PIK3C2G: variants seen among roughly 807,000 people sequenced by gnomAD.
The protein encoded by PIK3C2G is phosphatidylinositol-4-phosphate 3-kinase catalytic subunit type 2 gamma, also known as phosphatidylinositol 3-kinase C2 domain-containing subunit gamma.
In PIK3C2G, 168 loss-of-function variants were observed where a neutral mutation model predicts 181.1. The ratio of observed to expected loss-of-function variants is 0.93; its 90% CI spans 0.82 to 1.05. PIK3C2G has a LOEUF of 1.05. Ranked by LOEUF, PIK3C2G falls within the 50% of genes least tolerant of loss-of-function variation. The probability of loss-of-function intolerance (pLI) is 0.00; values close to 1 mark genes in which losing one functional copy is unlikely to be tolerated. For missense variants in PIK3C2G, 1,869 were observed against 1,732.8 expected (o/e 1.08, Z -1.40); for synonymous variants, 573 against 592.2 (o/e 0.97, Z 0.47).
chr12:18,362,745 T>C lies in PIK3C2G; in HGVS notation c.1626-19T>C. The C allele has an allele frequency of 6.7e-7, 1 of 1,495,944 alleles. No homozygotes were observed. Among genetic ancestry groups the C allele is most frequent in the Non-Finnish European group, 8.8e-7 (1 of 1,132,078 alleles). 92.7% of individuals were successfully genotyped at this position (1,495,944 alleles called of 1,614,324 possible). On this transcript the variant is annotated intron_variant, in intron 11 of 32. Coordinates refer to ENST00000538779, the MANE Select transcript of PIK3C2G (RefSeq NM_001288772.2). ...CTTTAAAGTGCTAAGCATATTGAAT[T>C]GATGTTGTTTCATTTTAGCTACAAA...
chr12:18,582,437 G>C (rs946150007), intron 29 of PIK3C2G, among the ~76,000 whole-genome samples: 2 of 152,140 alleles, frequency 1.3e-5, no homozygotes, highest in African/African-American at 4.8e-5. Context: ...CTGACAGACT[G>C]AGCTACGTAG....
chr12:18,505,932 C>A (rs1941801486), intron 24 of PIK3C2G, among the ~76,000 whole-genome samples: 1 of 152,094 alleles, frequency 6.6e-6, no homozygotes, highest in Non-Finnish European at 1.5e-5. Flanking sequence ...TAACAGTAAA[C>A]AAGACAGACA....
In PIK3C2G at chr12:18,648,166, T is replaced by A; in HGVS notation, c.*138T>A. On this transcript the variant is annotated 3_prime_UTR_variant, in exon 33 of 33. Coordinates refer to ENST00000538779, the MANE Select transcript of PIK3C2G (RefSeq NM_001288772.2). ...AAGGACACAGAAAAAAAATCAGAAT[T>A]AGTCTTTTGTGTTGTTTATTTTCTA... 1 of 422,364 alleles carries A rather than the reference T, an allele frequency of 2.4e-6. No individual in the cohort carries two copies. Among genetic ancestry groups the A allele is most frequent in the Non-Finnish European group, 4.1e-6 (1 of 243,132 alleles). 26.2% of individuals were successfully genotyped at this position (422,364 alleles called of 1,614,324 possible).
intron 18 of PIK3C2G, among the ~76,000 whole-genome samples, chr12:18,453,213 C>T (rs1947458382): frequency 6.6e-6 from 1 of 151,982 alleles, no homozygotes; most frequent in Admixed American, 6.6e-5. Context: ...TCTCTAAGAA[C>T]TTGTTTTATT....
the PIK3C2G span, among the ~76,000 whole-genome samples, chr12:18,665,012 TG>T: frequency 1.5e-3 from 81 of 53,350 alleles, no homozygotes; most frequent in Middle Eastern, 0.036. Context: ...TGTTGTGGGG[TG>T]GGGGGAGGGG....
chr12:18,635,832 A>G lies in PIK3C2G; in HGVS notation c.4183-4597A>G, dbSNP rs138893040. On this transcript the variant is annotated intron_variant, in intron 31 of 32. Transcript: ENST00000538779. ...CAAATGGGCCAGGCTAACACACCCA[A>G]ATGAGGAGTATGTTGCATCCAAAAT... is the stretch of plus-strand genomic sequence containing the variant. Among the ~76,000 whole-genome samples, 1,047 of 152,132 alleles carry G rather than the reference A, an allele frequency of 6.9e-3. 9 individuals carry two copies. The highest frequency in any genetic ancestry group is 0.024 in the African/African-American group (1,001 of 41,520).
chr12:18,445,712 T>C (rs757448386), intron 18 of PIK3C2G, among the ~76,000 whole-genome samples: 1 of 152,190 alleles, frequency 6.6e-6, no homozygotes, highest in Non-Finnish European at 1.5e-5. Flanking sequence ...GATTTTGTTA[T>C]ACTCATCCAA....
At chr12:18,625,034 GCT>G (rs1430780628) in intron 31 of PIK3C2G, among the ~76,000 whole-genome samples, 2 of 151,290 alleles carry the variant, frequency 1.3e-5, no homozygotes, top group African/African-American at 4.8e-5. Flanking sequence ...ATCTATTTCT[GCT>G]CTGTTCTTTA....
chr12:18,701,388 G>C, the PIK3C2G span: 1 of 1,543,570 alleles, frequency 6.5e-7, no homozygotes, highest in Non-Finnish European at 8.8e-7. Flanking sequence ...TGATAGACTA[G>C]AGTTTTTATA....
At chr12:18,609,226 G>T (rs1202614689) in intron 30 of PIK3C2G, among the ~76,000 whole-genome samples, 2 of 152,042 alleles carry the variant, frequency 1.3e-5, no homozygotes, top group African/African-American at 4.8e-5. Context: ...GCTCATTATA[G>T]TGAATGCTAA....
intron 1 of PIK3C2G, among the ~76,000 whole-genome samples, chr12:18,256,253 A>G (rs534779827): frequency 7.9e-5 from 12 of 151,914 alleles, no homozygotes; most frequent in Admixed American, 2.0e-4. Flanking sequence ...CTGCAGGTCA[A>G]TGCAATTCTC....
chr12:18,597,987 G>T (rs1342829551), intron 30 of PIK3C2G, among the ~76,000 whole-genome samples: 1 of 151,612 alleles, frequency 6.6e-6, no homozygotes. Context: ...CACTGCTCAA[G>T]GAAATAAAAG....
intron 31 of PIK3C2G, among the ~76,000 whole-genome samples, chr12:18,611,462 G>A (rs1387432356): frequency 3.9e-5 from 6 of 151,948 alleles, no homozygotes; most frequent in Non-Finnish European, 8.8e-5. Context: ...TCTACCTCAA[G>A]CCTCATGGCT....
the PIK3C2G span, among the ~76,000 whole-genome samples, chr12:18,705,012 C>T: frequency 6.6e-6 from 1 of 152,120 alleles, no homozygotes; most frequent in Non-Finnish European, 1.5e-5. Flanking sequence ...TTCATGAGAA[C>T]ATTCCCTAGG....
At chr12:18,589,323 T>C (rs1946952026) in intron 29 of PIK3C2G, among the ~76,000 whole-genome samples, 1 of 151,966 alleles carries the variant, frequency 6.6e-6, no homozygotes, top group African/African-American at 2.4e-5. Context: ...AAAAACTTGA[T>C]TGGAATTGCT....
the PIK3C2G span, chr12:18,719,687 T>TA: frequency 2.4e-6 from 3 of 1,268,438 alleles, no homozygotes; most frequent in East Asian, 7.7e-5. Flanking sequence ...ATTAGCAAGA[T>TA]AAAAAACTAC....
At chr12:18,331,386 T>C (rs1937948208) in intron 8 of PIK3C2G, among the ~76,000 whole-genome samples, 1 of 152,148 alleles carries the variant, frequency 6.6e-6, no homozygotes, top group Non-Finnish European at 1.5e-5. Context: ...ATAGAGATTA[T>C]GCATAGTTTA....
intron 30 of PIK3C2G, among the ~76,000 whole-genome samples, chr12:18,599,213 G>A (rs1308885459): frequency 6.6e-6 from 1 of 152,192 alleles, no homozygotes; most frequent in Non-Finnish European, 1.5e-5. Flanking sequence ...GCTTATTGCG[G>A]CATTATTCAC....
At chr12:18,350,192 G>C (rs1303631308) in intron 11 of PIK3C2G, among the ~76,000 whole-genome samples, 1 of 152,096 alleles carries the variant, frequency 6.6e-6, no homozygotes, top group Non-Finnish European at 1.5e-5. Context: ...GGCAGTGTAA[G>C]AGTGGTTGAC....
Sources: gnomAD v4.1 joint callset for allele counts (sites outside exome capture counted in the v4.1 genomes callset) on GRCh38, gnomAD v4.1.1 for gene constraint, MANE v1.5 for transcripts, NCBI Gene and HGNC (gene_info 2026-07-23, HGNC 2026-07-21) for gene names.